The following WDPCP variants were observed in gnomAD, a reference collection of about 807,000 sequenced individuals.
The protein encoded by WDPCP is WD repeat containing planar cell polarity effector.
In WDPCP, 71 loss-of-function variants were observed where a neutral mutation model predicts 93.1. The observed-to-expected ratio is 0.76, with a 90% confidence interval of 0.63 to 0.93. The LOEUF (loss-of-function observed/expected upper bound fraction) is 0.93, where lower values mean the gene tolerates loss of function less well. Among genes scored for constraint, WDPCP ranks in the 40% least tolerant of loss-of-function variants. The probability of loss-of-function intolerance (pLI) is 0.00; values close to 1 mark genes in which losing one functional copy is unlikely to be tolerated. For missense variants in WDPCP, 844 were observed against 887.4 expected, an observed-to-expected ratio of 0.95 and a Z score of 0.62; for synonymous variants, 315 against 315.0, an observed-to-expected ratio of 1.00 and a Z score of 0.00.
intron 12 of WDPCP, among the ~76,000 whole-genome samples, chr2:63,355,477 C>T (rs944764914): frequency 3.9e-5 from 6 of 152,166 alleles, no homozygotes; most frequent in Admixed American, 2.6e-4. Flanking sequence ...GAAAAGGCTG[C>T]TACCAGCTAA....
intron 2 of WDPCP, among the ~76,000 whole-genome samples, chr2:63,683,814 A>T (rs1668766898): frequency 1.3e-5 from 2 of 151,482 alleles, no homozygotes; most frequent in African/African-American, 4.9e-5. Flanking sequence ...GTGCCACTGC[A>T]CTCCAGCCTG....
At chr2:63,408,031 C>T (rs1214023334) in intron 9 of WDPCP, among the ~76,000 whole-genome samples, 2 of 152,150 alleles carry the variant, frequency 1.3e-5, no homozygotes, top group Admixed American at 6.5e-5. Flanking sequence ...GTGAGATGCT[C>T]TCTAATAGGC....
At chr2:63,127,782 C>A (rs1342342748) in intron 17 of WDPCP, among the ~76,000 whole-genome samples, 1 of 151,172 alleles carries the variant, frequency 6.6e-6, no homozygotes, top group Non-Finnish European at 1.5e-5. Flanking sequence ...ACAGGAAGTG[C>A]AGCAGGTTGC....
At chr2:63,838,800 T>C in the WDPCP span, among the ~76,000 whole-genome samples, 2 of 152,350 alleles carry the variant, frequency 1.3e-5, no homozygotes, top group East Asian at 1.9e-4. Context: ...CTTTGCTCCA[T>C]GGCCATTAAG....
chr2:63,794,900 A>T (rs1185488933), intron 2 of WDPCP, among the ~76,000 whole-genome samples: 1 of 152,302 alleles, frequency 6.6e-6, no homozygotes, highest in Non-Finnish European at 1.5e-5. Flanking sequence ...TCTACCCAAT[A>T]TTTATTCATA....
In WDPCP at chr2:63,249,038, C is replaced by T. The variant is rs550205546; in HGVS notation, c.1915+10269G>A. Among the ~76,000 whole-genome samples the T allele has an allele frequency of 3.3e-5, 5 of 152,010 alleles. No homozygotes were observed. In the East Asian group the frequency reaches 9.7e-4, roughly 29 times the overall value. The stretch of plus-strand genomic sequence containing the variant: ...GTCTGTGCTTTCTCAGGTTTGATTT[C>T]TACCAATTAATTTTGCTCCTTTGAA... On this transcript the variant is annotated intron_variant, in intron 14 of 17. Transcript: ENST00000272321.
chr2:63,530,861 C>T (rs114252265), intron 1 of WDPCP, among the ~76,000 whole-genome samples: 2,342 of 134,776 alleles, frequency 0.017, 65 homozygotes, highest in African/African-American at 0.063. Context: ...GGGTGTAGCC[C>T]ACACAGTGTG....
At chr2:63,838,776 C>G in the WDPCP span, among the ~76,000 whole-genome samples, 3 of 152,148 alleles carry the variant, frequency 2.0e-5, no homozygotes, top group Non-Finnish European at 4.4e-5. Context: ...TAGGTAACTG[C>G]TTTCTAAGCA....
chr2:63,272,357 C>G (rs1429879283), intron 13 of WDPCP, among the ~76,000 whole-genome samples: 2 of 152,148 alleles, frequency 1.3e-5, no homozygotes, highest in African/African-American at 4.8e-5. Flanking sequence ...ATGTCTTACC[C>G]TATGAAAGCC....
intron 12 of WDPCP, among the ~76,000 whole-genome samples, chr2:63,347,986 G>T (rs2104521146): frequency 6.6e-6 from 1 of 152,166 alleles, no homozygotes; most frequent in East Asian, 1.9e-4. Flanking sequence ...ATGTCCTGTG[G>T]TAGGACTAAA....
At chr2:63,501,713 T>G (rs915870417) in intron 1 of WDPCP, among the ~76,000 whole-genome samples, 1 of 127,800 alleles carries the variant, frequency 7.8e-6, no homozygotes, top group Non-Finnish European at 1.7e-5. Flanking sequence ...ACCTCCCGGA[T>G]TCAGGCAATT....
chr2:63,648,922 A>G (rs1440182256), intron 3 of WDPCP, among the ~76,000 whole-genome samples: 2 of 152,194 alleles, frequency 1.3e-5, no homozygotes, highest in African/African-American at 2.4e-5. Flanking sequence ...TAAAAATCCC[A>G]TATCATTTTC....
intron 14 of WDPCP, among the ~76,000 whole-genome samples, chr2:63,247,047 GA>G (rs972646065): frequency 9.2e-5 from 14 of 152,088 alleles, no homozygotes; most frequent in African/African-American, 2.9e-4. Context: ...AAACCAAAAA[GA>G]AATTTGTAAG....
chr2:63,401,759 C>G (rs1002758380), intron 10 of WDPCP, among the ~76,000 whole-genome samples: 1 of 152,096 alleles, frequency 6.6e-6, no homozygotes, highest in Non-Finnish European at 1.5e-5. Context: ...GAGCTGAGAT[C>G]ACGCCACTGC....
chr2:63,379,066 T>A (rs1182479018), intron 11 of WDPCP, among the ~76,000 whole-genome samples: 1 of 152,068 alleles, frequency 6.6e-6, no homozygotes, highest in Admixed American at 6.6e-5. Context: ...TTTATCCAAG[T>A]GTGAAAACTA....
In WDPCP at chr2:63,232,500, T is replaced by C. The variant is rs1368853465; in HGVS notation, c.1915+26807A>G. The C allele has an allele frequency of 2.0e-5, 3 of 152,378 alleles. No individual in the cohort carries two copies. The East Asian group carries it at 5.8e-4, about 29-fold the overall frequency. 9.4% of individuals were successfully genotyped at this position (152,378 alleles called of 1,614,324 possible). On this transcript the variant is annotated intron_variant, in intron 14 of 17. Coordinates refer to ENST00000272321, the MANE Select transcript of WDPCP (RefSeq NM_015910.7). ...GCTGCTGTGTTTATCAGTTTTGCTT[T>C]AGTTCACTGTCCTTACTGCGAAATG...
At chr2:63,589,416 A>T (rs1469053875), upstream of WDPCP, 1 of 1,543,444 alleles carries the variant, frequency 6.5e-7, no homozygotes, top group Non-Finnish European at 8.8e-7. Context: ...TTGGGTCCTA[A>T]CCCCTTTTTC....
intron 9 of WDPCP, among the ~76,000 whole-genome samples, chr2:63,421,583 C>A (rs999500137): frequency 1.3e-5 from 2 of 152,122 alleles, no homozygotes; most frequent in African/African-American, 4.8e-5. Flanking sequence ...TAAACACAGG[C>A]CTTAAGCTTT....
chr2:63,542,361 C>A (rs1282629410), intron 1 of WDPCP, among the ~76,000 whole-genome samples: 1 of 152,124 alleles, frequency 6.6e-6, no homozygotes, highest in African/African-American at 2.4e-5. Flanking sequence ...GCTGCAAGAG[C>A]AATTCAAATT....
Sources: gnomAD v4.1 joint callset for allele counts (sites outside exome capture counted in the v4.1 genomes callset) on GRCh38, gnomAD v4.1.1 for gene constraint, MANE v1.5 for transcripts, NCBI Gene and HGNC (gene_info 2026-07-23, HGNC 2026-07-21) for gene names.